The following MYO1H variants were observed in gnomAD, a reference collection of about 807,000 sequenced individuals.
The protein encoded by MYO1H is unconventional myosin-Ih.
A neutral mutation model predicts 149.3 loss-of-function variants in MYO1H; 118 were observed. That is an observed-to-expected ratio of 0.79 (90% CI 0.68 to 0.92). MYO1H has a LOEUF of 0.92. Among genes scored for constraint, MYO1H ranks in the 40% least tolerant of loss-of-function variants. MYO1H has a pLI of 0.00. For missense variants in MYO1H, 1,212 were observed against 1,280.7 expected (o/e 0.95, Z 0.82); for synonymous variants, 447 against 465.2 (o/e 0.96, Z 0.50).
chr12:109,353,686 C>T (rs1283828550), intron 1 of MYO1H, among the ~76,000 whole-genome samples: 1 of 152,138 alleles, frequency 6.6e-6, no homozygotes, highest in African/African-American at 2.4e-5. Context: ...CAGTCTTGCT[C>T]TGTCACCCAG....
At chr12:109,349,156 T>G (rs1333473185) in intron 1 of MYO1H, among the ~76,000 whole-genome samples, 1 of 152,206 alleles carries the variant, frequency 6.6e-6, no homozygotes, top group Non-Finnish European at 1.5e-5. Flanking sequence ...GGTCTTGCAG[T>G]GAAAGACAAC....
the MYO1H span, among the ~76,000 whole-genome samples, chr12:109,332,724 C>T: frequency 6.6e-6 from 1 of 152,208 alleles, no homozygotes; most frequent in Non-Finnish European, 1.5e-5. Flanking sequence ...ACTACAGGCA[C>T]ATGCCACCAT....
At chr12:109,372,767 G>A (rs997474258) in intron 1 of MYO1H, among the ~76,000 whole-genome samples, 21 of 151,694 alleles carry the variant, frequency 1.4e-4, no homozygotes, top group African/African-American at 4.8e-4. Flanking sequence ...TTCTATATGA[G>A]CTTTAGACTC....
chr12:109,393,391 G>C, exon 3 of MYO1H: 1 of 1,589,594 alleles, frequency 6.3e-7, no homozygotes, highest in Non-Finnish European at 8.6e-7. Flanking sequence ...AATCTACACT[G>C]TGAGCCAGAT....
intron 1 of MYO1H, among the ~76,000 whole-genome samples, chr12:109,376,531 A>T (rs755234844): frequency 1.3e-5 from 2 of 152,348 alleles, no homozygotes; most frequent in Non-Finnish European, 2.9e-5. Context: ...CCAGTGTCCC[A>T]GGATGATATT....
chr12:109,410,665 T>G, intron 12 of MYO1H, 23 bp from the exon 13 acceptor site: 1 of 1,534,364 alleles, frequency 6.5e-7, no homozygotes, highest in Non-Finnish European at 8.9e-7. Context: ...TCTTGGAGAA[T>G]TCATTCCTCT....
intron 2 of MYO1H, among the ~76,000 whole-genome samples, chr12:109,389,638 A>C (rs1869553286): frequency 6.6e-6 from 1 of 152,142 alleles, no homozygotes; most frequent in Non-Finnish European, 1.5e-5. Flanking sequence ...GTTTTCGTTA[A>C]ATTCCCATTT....
the MYO1H span, among the ~76,000 whole-genome samples, chr12:109,322,968 A>G: frequency 6.9e-6 from 1 of 145,166 alleles, no homozygotes; most frequent in South Asian, 2.2e-4. Flanking sequence ...TTAGCTGGGC[A>G]TGGTGTTGTG....
At chr12:109,374,320 T>C (rs1382108856) in intron 1 of MYO1H, among the ~76,000 whole-genome samples, 1 of 152,202 alleles carries the variant, frequency 6.6e-6, no homozygotes, top group East Asian at 1.9e-4. Flanking sequence ...ATGTGGCAAG[T>C]TATTTAACCC....
At chr12:109,313,975 C>A in the MYO1H span, among the ~76,000 whole-genome samples, 5 of 152,058 alleles carry the variant, frequency 3.3e-5, no homozygotes, top group African/African-American at 1.2e-4. Context: ...ACCTCTGCCT[C>A]CCCGGTTCAA....
exon 18 of MYO1H, chr12:109,426,017 C>A: frequency 6.2e-7 from 1 of 1,613,838 alleles, no homozygotes; most frequent in Non-Finnish European, 8.5e-7. Flanking sequence ...CCTCCTACAT[C>A]CGTTGCATCA....
chr12:109,386,581 C>T (rs1247932209), intron 1 of MYO1H, among the ~76,000 whole-genome samples: 1 of 152,134 alleles, frequency 6.6e-6, no homozygotes, highest in African/African-American at 2.4e-5. Flanking sequence ...ATTTGTGTTT[C>T]CCTGATGACT....
chr12:109,353,733 C>T lies in MYO1H; in HGVS notation c.12+5761C>T, dbSNP rs368125447. Among the ~76,000 whole-genome samples, 206 of 152,214 alleles carry T rather than the reference C, an allele frequency of 1.4e-3. 1 individual carries two copies. Among genetic ancestry groups the T allele is most frequent in the African/African-American group, 4.8e-3 (198 of 41,542 alleles). On this transcript the variant is annotated intron_variant, in intron 1 of 31. Transcript: ENST00000310903. ...GTGGCACCATCTCGGCTCACTGCAA[C>T]CCCCGCCTCCCAGGTTCAAGTGCTT... is the stretch of plus-strand genomic sequence containing the variant.
At chr12:109,357,387 G>T (rs1868632153) in intron 1 of MYO1H, 1 of 152,220 alleles carries the variant, frequency 6.6e-6, no homozygotes, top group Non-Finnish European at 1.5e-5. Flanking sequence ...TTCTCTTGGT[G>T]TGTGCAGTTT....
chr12:109,353,265 A>T lies in MYO1H; in HGVS notation c.12+5293A>T, dbSNP rs547540485. On this transcript the variant is annotated intron_variant, in intron 1 of 31. Coordinates refer to ENST00000310903, the Ensembl canonical transcript of MYO1H. Reference sequence around the variant, plus strand: ...AAAAATTAGCCGGGTATGGTGGTACACACCTGTAATCCCAGCTACTCAGGA... The same window carrying T: ...AAAAATTAGCCGGGTATGGTGGTACTCACCTGTAATCCCAGCTACTCAGGA... 2.0e-5 allele frequency among the ~76,000 whole-genome samples: 3 copies of T among 152,010 alleles called. No individual in the cohort carries two copies. The South Asian group carries it at 6.2e-4, about 32-fold the overall frequency.
intron 15 of MYO1H, among the ~76,000 whole-genome samples, chr12:109,420,278 C>T (rs190710782): frequency 3.9e-5 from 6 of 152,158 alleles, no homozygotes; most frequent in Admixed American, 3.9e-4. Context: ...ACCTGGTTCT[C>T]AATGAGGGAC....
the MYO1H span, among the ~76,000 whole-genome samples, chr12:109,328,913 A>T: frequency 6.6e-6 from 1 of 152,356 alleles, no homozygotes; most frequent in Middle Eastern, 3.4e-3. Context: ...CTGGGAGAGT[A>T]GACCTTAAAT....
chr12:109,354,071 C>A (rs1868527485), intron 1 of MYO1H: 2 of 152,252 alleles, frequency 1.3e-5, no homozygotes, highest in Admixed American at 6.5e-5. Flanking sequence ...AAAAAGATCC[C>A]ATTTTAAAGA....
rs60551691 is a variant in MYO1H, at chr12:109,396,814, G to GTT, written c.489+261_489+262dup. The stretch of plus-strand genomic sequence containing the variant: ...GACATTTGGTTTTTGTTTTGGTTTC[G>GTT]TTTTTTTTTTTTTTTTTTTTTTTTT... On this transcript the variant is annotated intron_variant, in intron 4 of 31. Transcript: ENST00000310903. Among the ~76,000 whole-genome samples, 389 of 51,054 alleles carry GTT rather than the reference G, an allele frequency of 7.6e-3. 87 individuals are homozygous for GTT. The highest frequency in any genetic ancestry group is 0.01 in the Non-Finnish European group (263 of 25,104). The allele number at this position is 51,054 out of a possible 152,430, so 33.5% of individuals were successfully genotyped here.
Sources: gnomAD v4.1 joint callset for allele counts (sites outside exome capture counted in the v4.1 genomes callset) on GRCh38, gnomAD v4.1.1 for gene constraint, MANE v1.5 for transcripts, NCBI Gene and HGNC (gene_info 2026-07-23, HGNC 2026-07-21) for gene names.